TCERG1L: variants seen among roughly 807,000 people sequenced by gnomAD.
TCERG1L encodes the protein transcription elongation regulator 1 like.
In TCERG1L, 37 loss-of-function variants were observed where a neutral mutation model predicts 56.3. The observed-to-expected ratio is 0.66, with a 90% CI of 0.51 to 0.87. The LOEUF is 0.87. TCERG1L is among the 40% of genes least tolerant of loss of function. The pLI is 0.00. For synonymous variants in TCERG1L, 324 were observed against 326.3 expected, an observed-to-expected ratio of 0.99 and a Z score of 0.08; for missense variants, 799 against 774.2, an observed-to-expected ratio of 1.03 and a Z score of -0.38.
chr10:131,203,166 T>C (rs10765053), intron 4 of TCERG1L, among the ~76,000 whole-genome samples: 78,884 of 151,518 alleles, frequency 0.52, 20,718 homozygotes, highest in East Asian at 0.61. Flanking sequence ...GTAGTGACAG[T>C]GTTCATGGAT....
chr10:131,207,685 A>G (rs1845556171), intron 4 of TCERG1L, among the ~76,000 whole-genome samples: 1 of 152,172 alleles, frequency 6.6e-6, no homozygotes, highest in Non-Finnish European at 1.5e-5. Context: ...CTGTGAGGAC[A>G]GCGCGGGCCT....
chr10:131,261,211 A>G (rs1261180707), intron 3 of TCERG1L, among the ~76,000 whole-genome samples: 1 of 152,140 alleles, frequency 6.6e-6, no homozygotes, highest in African/African-American at 2.4e-5. Flanking sequence ...TCAGTAAAAC[A>G]TTTTTTCTTT....
chr10:131,161,007 C>G (rs1845971551), intron 6 of TCERG1L: 1 of 152,232 alleles, frequency 6.6e-6, no homozygotes, highest in Non-Finnish European at 1.5e-5. Context: ...CGGCAGTGTG[C>G]CTGCCTTGGA....
intron 9 of TCERG1L, among the ~76,000 whole-genome samples, chr10:131,106,049 C>T (rs554794986): frequency 1.1e-4 from 16 of 152,306 alleles, no homozygotes; most frequent in East Asian, 1.9e-4. Flanking sequence ...TTTCCTAGAA[C>T]GGTGTTAGAA....
intron 4 of TCERG1L, among the ~76,000 whole-genome samples, chr10:131,185,820 T>C (rs1845235289): frequency 6.6e-6 from 1 of 151,942 alleles, no homozygotes; most frequent in African/African-American, 2.4e-5. Context: ...AAGTCAAACA[T>C]AGACTTAATG....
At chr10:131,141,518 G>A (rs1845738878) in intron 7 of TCERG1L, among the ~76,000 whole-genome samples, 1 of 152,154 alleles carries the variant, frequency 6.6e-6, no homozygotes, top group South Asian at 2.1e-4. Context: ...TTGGCGTCCT[G>A]TGTCTAGCCC....
intron 4 of TCERG1L, among the ~76,000 whole-genome samples, chr10:131,199,534 T>C (rs1017799659): frequency 1.3e-5 from 2 of 151,338 alleles, no homozygotes; most frequent in Admixed American, 1.3e-4. Flanking sequence ...CAGTTTCCAA[T>C]ACCTTGTTGC....
At chr10:131,141,908 C>T (rs1845742700) in intron 7 of TCERG1L, among the ~76,000 whole-genome samples, 2 of 151,930 alleles carry the variant, frequency 1.3e-5, no homozygotes, top group African/African-American at 4.9e-5. Flanking sequence ...CCTAGAGACT[C>T]TCCCAGCTCC....
At chr10:131,181,665 T>C (rs976019344) in intron 4 of TCERG1L, among the ~76,000 whole-genome samples, 7 of 152,230 alleles carry the variant, frequency 4.6e-5, no homozygotes, top group African/African-American at 1.7e-4. Flanking sequence ...GGGAAAACCC[T>C]GGCCCGGAGG....
chr10:131,146,310 G>A (rs1181370741), intron 7 of TCERG1L, among the ~76,000 whole-genome samples, 196 bp downstream of exon 7: 1 of 152,184 alleles, frequency 6.6e-6, no homozygotes, highest in African/African-American at 2.4e-5. Flanking sequence ...AGCCAGAGCC[G>A]ACCGCTTGGA....
intron 4 of TCERG1L, among the ~76,000 whole-genome samples, chr10:131,178,763 G>A (rs1202983646): frequency 1.3e-5 from 2 of 152,186 alleles, no homozygotes; most frequent in Admixed American, 6.5e-5. Flanking sequence ...GCATCTGCCC[G>A]TTCTATGCGC....
rs988545629 is a variant in TCERG1L at position 131,208,931 on chromosome 10, G to A, written c.857-42046C>T. 5.9e-5 allele frequency among the ~76,000 whole-genome samples: 9 copies of A among 152,130 alleles called. No individual in the cohort carries two copies. The South Asian group carries it at 1.7e-3, about 28-fold the overall frequency. ...AAATTAGCCAGGCGTGGTGGCAGGC[G>A]CCTGTAGTCCCAGCTACTCGGGAGG... On this transcript the variant is annotated intron_variant, in intron 4 of 11. Transcript: ENST00000368642.
intron 11 of TCERG1L, 135 bp from the exon 12 acceptor site, chr10:131,093,453 G>A (rs1177671566): frequency 1.9e-6 from 2 of 1,055,144 alleles, no homozygotes; most frequent in African/African-American, 1.6e-5. Context: ...GGCACCCGGT[G>A]GGTGAGCGGC....
chr10:131,137,837 C>A (rs999997145), intron 7 of TCERG1L, among the ~76,000 whole-genome samples: 1 of 152,086 alleles, frequency 6.6e-6, no homozygotes, highest in South Asian at 2.1e-4. Context: ...GAGGGGTTGC[C>A]GTGCACAACG....
chr10:131,235,065 A>G (rs571052682), intron 4 of TCERG1L, among the ~76,000 whole-genome samples: 1 of 152,124 alleles, frequency 6.6e-6, no homozygotes, highest in Non-Finnish European at 1.5e-5. Flanking sequence ...ACAGTGGGAG[A>G]GTTCAAACAG....
chr10:131,167,534 A>C (rs1020670387), intron 4 of TCERG1L, among the ~76,000 whole-genome samples: 1 of 152,220 alleles, frequency 6.6e-6, no homozygotes, highest in Non-Finnish European at 1.5e-5. Context: ...GTCACAGATG[A>C]ATAGGACACA....
At chr10:131,241,544 A>G (rs959943304) in intron 4 of TCERG1L, among the ~76,000 whole-genome samples, 3 of 152,114 alleles carry the variant, frequency 2.0e-5, no homozygotes, top group Admixed American at 6.5e-5. Context: ...TGGATAGCGC[A>G]ATATAAAAAC....
Position 131,166,881 on chromosome 10 carries a change from T to C in TCERG1L, c.861A>G (p.Thr287=). ...IPLRTSPVSD[T]RTERGRVARP... ...GGGCCACTCGGCCCCGCTCTGTCCT[T>C]GTATCTGTTGGGCCAAAGCAGTTGT... The change falls in exon 5 of 12, where the codon ACA becomes ACG. Residue 287 remains threonine, a synonymous_variant. Transcript: ENST00000368642. 6.2e-7 allele frequency: 1 copy of C among 1,610,578 alleles called. No homozygotes were observed. The highest frequency in any genetic ancestry group is 1.1e-5 in the South Asian group (1 of 90,778).
intron 4 of TCERG1L, among the ~76,000 whole-genome samples, chr10:131,233,250 T>C (rs1845871884): frequency 6.6e-6 from 1 of 152,204 alleles, no homozygotes; most frequent in African/African-American, 2.4e-5. Context: ...GAGGAAAATG[T>C]AGTAAAATAT....
Sources: gnomAD v4.1 joint callset for allele counts (sites outside exome capture counted in the v4.1 genomes callset) on GRCh38, gnomAD v4.1.1 for gene constraint, MANE v1.5 for transcripts, NCBI Gene and HGNC (gene_info 2026-07-23, HGNC 2026-07-21) for gene names.